PLPP4: variants seen among roughly 807,000 people sequenced by gnomAD.
PLPP4 encodes the protein diacylglycerol pyrophosphate like 2.
In PLPP4, 20 loss-of-function variants were observed where a neutral mutation model predicts 32.2. That is an observed-to-expected ratio of 0.62 (90% CI 0.44 to 0.90). The LOEUF is 0.90. PLPP4 is among the 40% of genes least tolerant of loss of function. The pLI, the probability that PLPP4 is intolerant of heterozygous loss-of-function variation, is 0.00. For missense variants in PLPP4, 257 were observed against 353.1 expected, an observed-to-expected ratio of 0.73 and a Z score of 2.18; for synonymous variants, 127 against 133.0, an observed-to-expected ratio of 0.95 and a Z score of 0.31.
chr10:120,554,324 C>T (rs952614389), intron 5 of PLPP4, among the ~76,000 whole-genome samples: 3 of 152,144 alleles, frequency 2.0e-5, no homozygotes, highest in African/African-American at 7.2e-5. Flanking sequence ...CAAAAAGTTC[C>T]TCATCTCCGT....
chr10:120,583,857 A>G (rs1353876312), intron 6 of PLPP4, among the ~76,000 whole-genome samples: 1 of 152,152 alleles, frequency 6.6e-6, no homozygotes, highest in African/African-American at 2.4e-5. Context: ...GTAGTTGGGG[A>G]GATAGATTCA....
Position 120,569,084 on chromosome 10 carries a change from C to G in PLPP4, c.446-6047C>G, listed in dbSNP as rs112608795. Among the ~76,000 whole-genome samples the G allele has an allele frequency of 8.2e-3, 1,247 of 152,112 alleles. 23 individuals carry two copies. Among genetic ancestry groups the G allele is most frequent in the African/African-American group, 0.029 (1,198 of 41,498 alleles). ...TGAAACCCCAACTCTGCCAAAAATA[C>G]AAAAACTAGCTGGGCGTGGTGATGG... On this transcript the variant is annotated intron_variant, in intron 5 of 6. Coordinates refer to ENST00000398250, the MANE Select transcript of PLPP4 (RefSeq NM_001030059.3).
intron 6 of PLPP4, among the ~76,000 whole-genome samples, chr10:120,580,264 A>G (rs1483102499): frequency 6.6e-6 from 1 of 152,062 alleles, no homozygotes; most frequent in East Asian, 1.9e-4. Flanking sequence ...CTAGGGGAGG[A>G]ATAATCGGAT....
intron 1 of PLPP4, among the ~76,000 whole-genome samples, chr10:120,483,854 CA>C (rs1304368345): frequency 6.6e-6 from 1 of 152,260 alleles, no homozygotes; most frequent in African/African-American, 2.4e-5. Context: ...AGGAGTTAAG[CA>C]GCCTGAGGCC....
At chr10:120,533,748 A>T (rs896729587) in intron 5 of PLPP4, among the ~76,000 whole-genome samples, 9 of 152,138 alleles carry the variant, frequency 5.9e-5, no homozygotes, top group African/African-American at 2.2e-4. Flanking sequence ...AGCTGAGGGA[A>T]AAAGGGAGAG....
At chr10:120,581,118 T>C in intron 6 of PLPP4, 1 of 1,227,010 alleles carries the variant, frequency 8.1e-7, no homozygotes, top group Non-Finnish European at 1.0e-6. Flanking sequence ...GCATTCTCAG[T>C]CAGGACTTCT....
chr10:120,520,887 G>A (rs1464697698), intron 4 of PLPP4, 84 bp from the exon 5 acceptor site: 8 of 1,522,964 alleles, frequency 5.3e-6, no homozygotes, highest in Middle Eastern at 1.8e-4. Context: ...AGAGCTGGGG[G>A]CAGTGGGGAG....
At chr10:120,500,308 A>G (rs984320984) in intron 1 of PLPP4, among the ~76,000 whole-genome samples, 1 of 152,144 alleles carries the variant, frequency 6.6e-6, no homozygotes, top group Non-Finnish European at 1.5e-5. Flanking sequence ...GTGAGAAGAA[A>G]TAGGAGTCAA....
At chr10:120,589,241 A>G in intron 6 of PLPP4, 62 bp from the exon 7 acceptor site, 1 of 1,516,116 alleles carries the variant, frequency 6.6e-7, no homozygotes, top group Admixed American at 1.7e-5. Context: ...TCTGGAAAAT[A>G]TAATTGGCCA....
intron 5 of PLPP4, among the ~76,000 whole-genome samples, chr10:120,562,704 C>T (rs1008412066): frequency 6.6e-6 from 1 of 152,176 alleles, no homozygotes; most frequent in Non-Finnish European, 1.5e-5. Context: ...TTTAAACCTG[C>T]TTTAATTCCT....
chr10:120,553,748 G>C (rs1848017860), intron 5 of PLPP4, among the ~76,000 whole-genome samples: 3 of 152,226 alleles, frequency 2.0e-5, no homozygotes, highest in Admixed American at 6.5e-5. Context: ...AATAGCCTGA[G>C]CTATACCTTG....
chr10:120,582,298 T>C (rs1311689248), intron 6 of PLPP4, among the ~76,000 whole-genome samples: 1 of 152,230 alleles, frequency 6.6e-6, no homozygotes, highest in African/African-American at 2.4e-5. Context: ...CAGCTTCTAG[T>C]AGCCCCAGAT....
intron 5 of PLPP4, among the ~76,000 whole-genome samples, chr10:120,525,883 A>G (rs558784760): frequency 1.8e-4 from 28 of 152,180 alleles, no homozygotes; most frequent in African/African-American, 6.0e-4. Flanking sequence ...AAAGTCCACA[A>G]TGATGTACCT....
chr10:120,474,690 A>G (rs542825114), intron 1 of PLPP4, among the ~76,000 whole-genome samples: 14 of 152,328 alleles, frequency 9.2e-5, no homozygotes, highest in African/African-American at 3.4e-4. Context: ...AAAAAAAATC[A>G]TATTGTTCAT....
At chr10:120,476,831 G>T (rs1273813096) in intron 1 of PLPP4, among the ~76,000 whole-genome samples, 1 of 152,184 alleles carries the variant, frequency 6.6e-6, no homozygotes, top group Non-Finnish European at 1.5e-5. Flanking sequence ...CTGGCACGCA[G>T]GGAGAACACC....
At chr10:120,496,550 G>A (rs1844971089) in intron 1 of PLPP4, among the ~76,000 whole-genome samples, 1 of 152,176 alleles carries the variant, frequency 6.6e-6, no homozygotes, top group Admixed American at 6.5e-5. Context: ...GCAGTGGCAA[G>A]CTCATGTGTT....
chr10:120,562,387 C>G (rs1008931589), intron 5 of PLPP4, among the ~76,000 whole-genome samples: 1 of 152,018 alleles, frequency 6.6e-6, no homozygotes, highest in African/African-American at 2.4e-5. Flanking sequence ...CAAATAAGTA[C>G]AGTTTCATTT....
intron 5 of PLPP4, among the ~76,000 whole-genome samples, chr10:120,574,127 AGTAC>A (rs1433577172): frequency 9.5e-6 from 1 of 105,560 alleles, no homozygotes; most frequent in Non-Finnish European, 1.9e-5. Flanking sequence ...TCATCTGGGG[AGTAC>A]ACACACACAC....
At chr10:120,554,426 C>CT (rs1330528351) in intron 5 of PLPP4, among the ~76,000 whole-genome samples, 1 of 148,748 alleles carries the variant, frequency 6.7e-6, no homozygotes, top group Non-Finnish European at 1.5e-5. Context: ...GTTCCAAACT[C>CT]TCCATCATCT....
Sources: allele counts gnomAD v4.1 joint callset (sites outside exome capture counted in the v4.1 genomes callset), GRCh38; gene constraint gnomAD v4.1.1; transcripts MANE v1.5; gene names NCBI Gene and HGNC (gene_info 2026-07-23, HGNC 2026-07-21).